ASH1L: variants seen among roughly 807,000 people sequenced by gnomAD.
The protein encoded by ASH1L is ASH1 like histone lysine methyltransferase, also known as histone-lysine N-methyltransferase ASH1L.
ASH1L carries 23 observed loss-of-function variants against 269.0 expected under a neutral mutation model. The ratio of observed to expected loss-of-function variants is 0.09; its 90% confidence interval spans 0.06 to 0.12. The LOEUF (loss-of-function observed/expected upper bound fraction) is 0.12. Ranked by LOEUF, ASH1L falls within the 10% of genes least tolerant of loss-of-function variation. The pLI, the probability that ASH1L is intolerant of heterozygous loss-of-function variation, is 1.00. For synonymous variants in ASH1L, 1,187 were observed against 1,253.5 expected, an observed-to-expected ratio of 0.95 and a Z score of 1.12; for missense variants, 2,912 against 3,567.8, an observed-to-expected ratio of 0.82 and a Z score of 4.68.
At chr1:155,364,920 C>CT (rs1367689310) in intron 12 of ASH1L, among the ~76,000 whole-genome samples, 2 of 109,478 alleles carry the variant, frequency 1.8e-5, no homozygotes, top group African/African-American at 7.8e-5. Flanking sequence ...CCAGCTCTGT[C>CT]TTAAAAAAAA....
At chr1:155,519,165 T>C (rs979873277) in intron 2 of ASH1L, among the ~76,000 whole-genome samples, 1 of 152,194 alleles carries the variant, frequency 6.6e-6, no homozygotes, top group Non-Finnish European at 1.5e-5. Flanking sequence ...CTGGGTGTGG[T>C]GGCTCACGCC....
At position 155,479,679 on chromosome 1, in the gene ASH1L, G is replaced by A. The variant is rs754747021; in HGVS notation, c.3191C>T (p.Ser1064Phe). The change falls in exon 3 of 28, where the codon TCT becomes TTT. Residue 1064 changes from serine (S) to phenylalanine (F), a missense_variant. Transcript: ENST00000392403. ...AACAGCAAGGCTAGTAGGACTACCA[G>A]AAAGAATACCATTTAAGACAGTTTT... ...KPKTVLNGIL[S>F]GSPTSLAVLE... is the part of the protein sequence containing the mutation. The A allele has an allele frequency of 6.2e-7, 1 of 1,614,180 alleles. No homozygotes were observed. Among genetic ancestry groups the A allele is most frequent in the South Asian group, 1.1e-5 (1 of 91,088 alleles).
At chr1:155,439,764 T>C (rs956517832) in intron 4 of ASH1L, among the ~76,000 whole-genome samples, 6 of 151,960 alleles carry the variant, frequency 3.9e-5, no homozygotes, top group African/African-American at 1.2e-4. Flanking sequence ...CTATTATTCA[T>C]GGGTCATACT....
chr1:155,368,618 G>A (rs1425030982), intron 12 of ASH1L, among the ~76,000 whole-genome samples: 1 of 151,818 alleles, frequency 6.6e-6, no homozygotes, highest in African/African-American at 2.4e-5. Context: ...CACCACGCCC[G>A]GCTAATTTTT....
At chr1:155,422,195 T>C (rs1660741376) in intron 5 of ASH1L, among the ~76,000 whole-genome samples, 1 of 152,114 alleles carries the variant, frequency 6.6e-6, no homozygotes, top group South Asian at 2.1e-4. Context: ...TGGAGTGCAG[T>C]GGCACGATCT....
intron 2 of ASH1L, among the ~76,000 whole-genome samples, chr1:155,486,052 A>C (rs928839795): frequency 6.6e-5 from 10 of 152,178 alleles, no homozygotes; most frequent in Admixed American, 1.3e-4. Context: ...AAAATCACAG[A>C]GTAAGTCTAA....
intron 6 of ASH1L, among the ~76,000 whole-genome samples, chr1:155,399,786 G>T (rs770332077): frequency 1.3e-5 from 2 of 152,136 alleles, no homozygotes; most frequent in Non-Finnish European, 2.9e-5. Context: ...AGATAAATGG[G>T]ATTTTGACAA....
chr1:155,397,927 TTTTAA>T (rs1284021890), intron 6 of ASH1L, among the ~76,000 whole-genome samples: 5 of 152,320 alleles, frequency 3.3e-5, no homozygotes, highest in Admixed American at 6.5e-5. Context: ...ATTAAATGAT[TTTTAA>T]TTTATTTACT....
chr1:155,540,082 T>A (rs1265479913), intron 1 of ASH1L, among the ~76,000 whole-genome samples: 2 of 150,592 alleles, frequency 1.3e-5, no homozygotes, highest in Non-Finnish European at 3.0e-5. Context: ...AAAAAAAAAA[T>A]TCTGATAATG....
At chr1:155,398,854 G>A (rs1658584944) in intron 6 of ASH1L, among the ~76,000 whole-genome samples, 1 of 152,002 alleles carries the variant, frequency 6.6e-6, no homozygotes, top group Non-Finnish European at 1.5e-5. Context: ...CCGAGTAGCT[G>A]GAACTACAGG....
chr1:155,359,734 C>T (rs1654770643), intron 13 of ASH1L, among the ~76,000 whole-genome samples: 1 of 152,154 alleles, frequency 6.6e-6, no homozygotes, highest in South Asian at 2.1e-4. Flanking sequence ...TGCGACCACA[C>T]TTGGCTAGTT....
At chr1:155,507,173 G>A (rs1307602816) in intron 2 of ASH1L, among the ~76,000 whole-genome samples, 2 of 151,778 alleles carry the variant, frequency 1.3e-5, no homozygotes, top group Non-Finnish European at 2.9e-5. Flanking sequence ...CCAGCTACTC[G>A]GGAGGCTGAG....
chr1:155,475,222 C>T (rs963193966), intron 3 of ASH1L, among the ~76,000 whole-genome samples: 26 of 152,022 alleles, frequency 1.7e-4, no homozygotes, highest in Non-Finnish European at 3.5e-4. Flanking sequence ...CTGCAATCTC[C>T]GCCTCCTGGG....
chr1:155,468,193 G>T (rs1219253202), intron 3 of ASH1L, among the ~76,000 whole-genome samples: 4 of 150,230 alleles, frequency 2.7e-5, no homozygotes, highest in African/African-American at 9.7e-5. Context: ...TTTTAGTACT[G>T]GTCAAGTATT....
chr1:155,562,915 C>T (rs762023834), upstream of ASH1L: 10 of 455,158 alleles, frequency 2.2e-5, no homozygotes, highest in South Asian at 1.5e-4. Context: ...CTACCACCCT[C>T]CACCCCTCGC....
intron 3 of ASH1L, among the ~76,000 whole-genome samples, chr1:155,476,498 A>G (rs1390133789): frequency 6.6e-6 from 1 of 152,208 alleles, no homozygotes; most frequent in Non-Finnish European, 1.5e-5. Flanking sequence ...TCAGGAACAA[A>G]AACTCTTTGT....
chr1:155,341,898 G>A, intron 25 of ASH1L, 38 bp downstream of exon 25: 1 of 1,595,790 alleles, frequency 6.3e-7, no homozygotes, highest in Non-Finnish European at 8.6e-7. Flanking sequence ...GAACCAGATT[G>A]TCCTAACATG....
chr1:155,338,613 A>AT (rs1228104351), intron 26 of ASH1L, among the ~76,000 whole-genome samples: 1 of 152,228 alleles, frequency 6.6e-6, no homozygotes, highest in Non-Finnish European at 1.5e-5. Flanking sequence ...TCTCTTAGGA[A>AT]TATTCACAAA....
At chr1:155,486,261 T>C (rs1049029661) in intron 2 of ASH1L, among the ~76,000 whole-genome samples, 2 of 152,228 alleles carry the variant, frequency 1.3e-5, no homozygotes, top group Admixed American at 6.5e-5. Context: ...GGGAACTATC[T>C]CTTCTTTTGG....
Sources: gnomAD v4.1 joint callset for allele counts (sites outside exome capture counted in the v4.1 genomes callset) on GRCh38, gnomAD v4.1.1 for gene constraint, MANE v1.5 for transcripts, NCBI Gene and HGNC (gene_info 2026-07-23, HGNC 2026-07-21) for gene names.